The following ACTR3C variants were observed in gnomAD, a reference collection of about 807,000 sequenced individuals.
The protein encoded by ACTR3C is actin related protein 3C, also known as actin-related protein 3C.
In ACTR3C, 18 loss-of-function variants were observed where a neutral mutation model predicts 26.3. The ratio of observed to expected loss-of-function variants is 0.68; its 90% confidence interval spans 0.47 to 1.01. The LOEUF (loss-of-function observed/expected upper bound fraction) is 1.01. Among genes scored for constraint, ACTR3C ranks in the 50% least tolerant of loss-of-function variants. The pLI is 0.00. For missense variants in ACTR3C, 184 were observed against 250.7 expected, an observed-to-expected ratio of 0.73 and a Z score of 1.80; for synonymous variants, 55 against 94.5, an observed-to-expected ratio of 0.58 and a Z score of 2.42.
chr7:150,032,117 C>T, the ACTR3C span, among the ~76,000 whole-genome samples: 7 of 152,260 alleles, frequency 4.6e-5, no homozygotes, highest in East Asian at 1.2e-3. Context: ...AGCTGCTGCT[C>T]ATCACAAGCA....
At chr7:150,259,617 G>A (rs1833498698) in intron 6 of ACTR3C, among the ~76,000 whole-genome samples, 1 of 152,164 alleles carries the variant, frequency 6.6e-6, no homozygotes, top group African/African-American at 2.4e-5. Context: ...TTCATGGTCT[G>A]GATGAGCTTA....
At chr7:149,961,931 T>G in the ACTR3C span, among the ~76,000 whole-genome samples, 166 of 151,578 alleles carry the variant, frequency 1.1e-3, no homozygotes, top group African/African-American at 3.7e-3. Context: ...TCACTGGAAG[T>G]ATACACAGAG....
chr7:150,142,532 TG>T, the ACTR3C span, among the ~76,000 whole-genome samples: 2 of 152,252 alleles, frequency 1.3e-5, no homozygotes, highest in African/African-American at 4.8e-5. Context: ...CTTGTTTTTT[TG>T]TTTGTTTGTT....
At chr7:150,229,863 T>C in the ACTR3C span, among the ~76,000 whole-genome samples, 1 of 151,898 alleles carries the variant, frequency 6.6e-6, no homozygotes, top group South Asian at 2.1e-4. Flanking sequence ...CTTGCTGCTC[T>C]TTCTGTTTTT....
At chr7:150,124,073 C>T in the ACTR3C span, among the ~76,000 whole-genome samples, 1 of 152,144 alleles carries the variant, frequency 6.6e-6, no homozygotes. Context: ...ATTACACTCC[C>T]TCCTTTTATG....
the ACTR3C span, among the ~76,000 whole-genome samples, chr7:150,034,508 G>A: frequency 6.6e-6 from 1 of 151,420 alleles, no homozygotes; most frequent in African/African-American, 2.4e-5. Context: ...CAAAGGCTTG[G>A]CTAATACTGC....
the ACTR3C span, among the ~76,000 whole-genome samples, chr7:149,965,996 T>C: frequency 1.3e-5 from 2 of 152,236 alleles, no homozygotes; most frequent in Non-Finnish European, 2.9e-5. Context: ...TATGTTCATG[T>C]TGACTCTCAC....
At chr7:149,896,601 T>C in the ACTR3C span, among the ~76,000 whole-genome samples, 1 of 151,724 alleles carries the variant, frequency 6.6e-6, no homozygotes, top group Non-Finnish European at 1.5e-5. Context: ...ATCCAGCAAT[T>C]CCACTTCTAG....
chr7:149,954,911 G>T, the ACTR3C span, among the ~76,000 whole-genome samples: 1 of 152,184 alleles, frequency 6.6e-6, no homozygotes. Context: ...AGCTCCTTTT[G>T]ATTGGTCCTG....
chr7:150,243,468 T>C (rs1340267798), downstream of ACTR3C, among the ~76,000 whole-genome samples: 25 of 151,990 alleles, frequency 1.6e-4, no homozygotes, highest in African/African-American at 5.1e-4. Flanking sequence ...TCATTTGTTA[T>C]GGAGCAAAGA....
the ACTR3C span, among the ~76,000 whole-genome samples, chr7:150,109,190 A>G: frequency 3.3e-5 from 5 of 152,038 alleles, no homozygotes; most frequent in African/African-American, 1.2e-4. Context: ...TTTTTAAAAC[A>G]TGCTTAACAC....
chr7:150,249,294 C>T (rs1156873603), intron 6 of ACTR3C, among the ~76,000 whole-genome samples: 2 of 152,150 alleles, frequency 1.3e-5, no homozygotes, highest in Non-Finnish European at 2.9e-5. Context: ...AAATAATAGT[C>T]ACCTGCCACT....
the ACTR3C span, among the ~76,000 whole-genome samples, chr7:150,019,168 C>A: frequency 6.7e-6 from 1 of 150,178 alleles, no homozygotes; most frequent in Non-Finnish European, 1.5e-5. Flanking sequence ...GTCCTGAATG[C>A]ATTCACATGT....
chr7:149,983,559 A>C, the ACTR3C span, among the ~76,000 whole-genome samples: 2 of 150,406 alleles, frequency 1.3e-5, no homozygotes, highest in Non-Finnish European at 3.0e-5. Context: ...TTTGGAATAG[A>C]GTATGAGGCT....
chr7:149,944,218 C>T, the ACTR3C span, among the ~76,000 whole-genome samples: 12 of 152,002 alleles, frequency 7.9e-5, no homozygotes, highest in Non-Finnish European at 1.8e-4. Context: ...ATTACCTGAG[C>T]TATGTGATCA....
chr7:150,016,393 C>T, the ACTR3C span, among the ~76,000 whole-genome samples: 1 of 152,070 alleles, frequency 6.6e-6, no homozygotes, highest in Non-Finnish European at 1.5e-5. Flanking sequence ...TAATACACAT[C>T]TCATGTTTTC....
the ACTR3C span, among the ~76,000 whole-genome samples, chr7:149,883,122 T>C: frequency 6.6e-6 from 1 of 152,208 alleles, no homozygotes; most frequent in Non-Finnish European, 1.5e-5. Flanking sequence ...AGGCCTGTTG[T>C]CAGGTGTTGG....
the ACTR3C span, among the ~76,000 whole-genome samples, chr7:150,038,434 T>C: frequency 7.0e-6 from 1 of 143,020 alleles, no homozygotes; most frequent in African/African-American, 2.7e-5. Flanking sequence ...AAACTTGCTG[T>C]TGTTGGGATC....
intron 4 of ACTR3C, 130 bp from the exon 5 acceptor site, chr7:150,286,670 T>C (rs1835803329): frequency 8.3e-7 from 1 of 1,205,168 alleles, no homozygotes; most frequent in African/African-American, 1.6e-5. Context: ...GTTACTCTAG[T>C]GTGGATATGC....
Sources: allele counts gnomAD v4.1 joint callset (sites outside exome capture counted in the v4.1 genomes callset), GRCh38; gene constraint gnomAD v4.1.1; transcripts MANE v1.5; gene names NCBI Gene and HGNC (gene_info 2026-07-23, HGNC 2026-07-21).